The following NKTR variants were observed in gnomAD, a reference collection of about 807,000 sequenced individuals.
NKTR encodes natural killer cell triggering receptor, also known as NK-tumor recognition protein.
A neutral mutation model predicts 156.3 loss-of-function variants in NKTR; 67 were observed. That is an observed-to-expected ratio of 0.43 (90% CI 0.35 to 0.53). The LOEUF (loss-of-function observed/expected upper bound fraction) is 0.53, where lower values mean the gene tolerates loss of function less well. NKTR is among the 20% of genes least tolerant of loss of function. The probability of loss-of-function intolerance (pLI) is 0.01; values close to 1 mark genes in which losing one functional copy is unlikely to be tolerated. For synonymous variants in NKTR, 640 were observed against 596.6 expected (o/e 1.07, Z -1.06); for missense variants, 1,604 against 1,730.9 (o/e 0.93, Z 1.30).
chr3:42,617,492 T>C, intron 2 of NKTR, 78 bp from the exon 3 acceptor site: 1 of 723,974 alleles, frequency 1.4e-6, no homozygotes, highest in Non-Finnish European at 2.4e-6. Context: ...TCTAATTTGT[T>C]AGCCCTGTTT....
At chr3:42,601,140 C>T (rs1380560226) in intron 2 of NKTR, 76 bp downstream of exon 2, 16 of 1,242,778 alleles carry the variant, frequency 1.3e-5, no homozygotes, top group Non-Finnish European at 1.7e-5. Context: ...CCTCAGCAAC[C>T]CTCCCCCGGC....
rs10712209 is a variant in NKTR at position 42,618,997 on chromosome 3, CTT to C, written c.134-6_134-5del. The C allele has an allele frequency of 0.07, 90,382 of 1,284,234 alleles. 139 individuals are homozygous for C. The highest frequency in any genetic ancestry group is 0.15 in the East Asian group (5,550 of 37,856). The allele number at this position is 1,284,234 out of a possible 1,614,324, so 79.6% of individuals were successfully genotyped here. On this transcript the variant is annotated intron_variant, in intron 3 of 16. Coordinates refer to ENST00000232978, the MANE Select transcript of NKTR (RefSeq NM_005385.4). ...ATGTATAAATAATTAAACTTCATTT[CTT>C]TTTTTTTTTTTTTTTTCCAGGAGAG...
chr3:42,628,626 A>T, intron 6 of NKTR: 2 of 985,280 alleles, frequency 2.0e-6, no homozygotes. Flanking sequence ...GAAGGAATGT[A>T]TCTAATCAGG....
Position 42,643,929 on chromosome 3 carries a change from C to T in NKTR, c.4227C>T (p.Ser1409=), listed in dbSNP as rs1399986595. 6 of 1,613,718 alleles carry T rather than the reference C, an allele frequency of 3.7e-6. No homozygotes were observed. Among genetic ancestry groups the T allele is most frequent in the Non-Finnish European group, 5.1e-6 (6 of 1,179,826 alleles). Residue 1409 remains serine, a synonymous_variant, in exon 16 of 17, where the codon AGC becomes AGT. Transcript: ENST00000232978. ...SRSYTYDSYY[S]RSRSRSRSQR... The stretch of plus-strand genomic sequence containing the variant: ...CCTACACCTACGATAGCTACTATAG[C>T]AGGAGTCGGAGTCGAAGTAGAAGCC...
At chr3:42,630,150 G>T (rs1469305327) in intron 6 of NKTR, 1 of 1,006,434 alleles carries the variant, frequency 9.9e-7, no homozygotes, top group Non-Finnish European at 1.2e-6. Flanking sequence ...CAAATAGGAG[G>T]TGCTTTTCTT....
At position 42,640,510 on chromosome 3, in the gene NKTR, AT is replaced by A. The variant is rs527681717; in HGVS notation, c.4046+762del. On this transcript the variant is annotated intron_variant, in intron 13 of 16. Coordinates refer to ENST00000232978, the MANE Select transcript of NKTR (RefSeq NM_005385.4). ...TATCCCTTATTTTATTGTGCTTGAT[AT>A]TCATCATTTGAACTGAAAATACCAT... Among the ~76,000 whole-genome samples, 305 of 152,264 alleles carry A rather than the reference AT, an allele frequency of 2.0e-3. 1 individual carries two copies. The highest frequency in any genetic ancestry group is 7.0e-3 in the African/African-American group (290 of 41,554).
chr3:42,635,376 TTGAGTATAAGCACA>T lies in NKTR; in HGVS notation c.1163+11_1163+24del, dbSNP rs1421260897. ...GGAGTAAAGGAGATAAGTAAGAACT[TTGAGTATAAGCACA>T]ATCCTGTGTCTGTTATATTTTAAAT... On this transcript the variant is annotated intron_variant, in intron 12 of 16. Transcript: ENST00000232978. The T allele has an allele frequency of 6.2e-7, 1 of 1,600,392 alleles. No individual in the cohort carries two copies. Among genetic ancestry groups the T allele is most frequent in the Non-Finnish European group, 8.5e-7 (1 of 1,172,412 alleles).
chr3:42,614,586 A>G (rs1358812136), intron 2 of NKTR, among the ~76,000 whole-genome samples: 1 of 152,196 alleles, frequency 6.6e-6, no homozygotes, highest in African/African-American at 2.4e-5. Context: ...AATGAGCTTC[A>G]GTTCAAGTTA....
In NKTR at chr3:42,630,789, C is replaced by G. The variant is rs1708824534; in HGVS notation, c.404+214C>G. The stretch of plus-strand genomic sequence containing the variant: ...TCAATCTGTGCTCATGGATGGGCTT[C>G]TCAGCAATATAATTCTTTTTATTTT... On this transcript the variant is annotated intron_variant, in intron 7 of 16. Transcript: ENST00000232978. 1.2e-5 allele frequency: 16 copies of G among 1,367,412 alleles called. No individual in the cohort carries two copies. The South Asian group carries it at 3.4e-4, about 29-fold the overall frequency. 84.7% of individuals were successfully genotyped at this position (1,367,412 alleles called of 1,614,324 possible).
chr3:42,633,290 C>G, intron 9 of NKTR: 1 of 955,158 alleles, frequency 1.0e-6, no homozygotes, highest in Non-Finnish European at 1.3e-6. Flanking sequence ...AATCCTCCCA[C>G]CTAAGACCCC....
At position 42,646,095 on chromosome 3, in the gene NKTR, CTTAA is replaced by C. The variant is rs376299235; in HGVS notation, c.*123_*126del. 168 of 632,232 alleles carry C rather than the reference CTTAA, an allele frequency of 2.7e-4. No individual in the cohort carries two copies. The East Asian group carries it at 4.6e-3, about 17-fold the overall frequency. The allele number at this position is 632,232 out of a possible 1,614,324, so 39.2% of individuals were successfully genotyped here. A position where few individuals can be genotyped will look rare whatever the true frequency, so the allele number is the denominator to read the frequency against. On this transcript the variant is annotated 3_prime_UTR_variant, in exon 17 of 17. Coordinates refer to ENST00000232978, the MANE Select transcript of NKTR (RefSeq NM_005385.4). The stretch of plus-strand genomic sequence containing the variant: ...AGGTGAATTTCAAAAATAGACACTT[CTTAA>C]TTGTTACTGGTTCATTTACATGTGG...
chr3:42,632,998 T>G, intron 9 of NKTR, 175 bp downstream of exon 9: 1 of 1,290,652 alleles, frequency 7.7e-7, no homozygotes, highest in Non-Finnish European at 9.8e-7. Flanking sequence ...GCATTTCATT[T>G]CAAAGATTTG....
Position 42,638,450 on chromosome 3 carries a change from T to A in NKTR, c.2746T>A (p.Ser916Thr). ...SSDKEEGEAT[S>T]DSESEVSEIH... Reference sequence around the variant, plus strand: ...TGACAAGGAAGAAGGTGAGGCCACATCCGATTCTGAATCAGAGGTTAGTGA... The same window carrying A: ...TGACAAGGAAGAAGGTGAGGCCACAACCGATTCTGAATCAGAGGTTAGTGA... Residue 916 changes from serine (S) to threonine (T), a missense_variant, in exon 13 of 17, where the codon TCC becomes ACC. Coordinates refer to ENST00000232978, the MANE Select transcript of NKTR (RefSeq NM_005385.4). 1 of 1,612,300 alleles carries A rather than the reference T, an allele frequency of 6.2e-7. No homozygotes were observed. The highest frequency in any genetic ancestry group is 8.5e-7 in the Non-Finnish European group (1 of 1,179,506).
chr3:42,628,458 C>G, intron 6 of NKTR: 1 of 985,346 alleles, frequency 1.0e-6, no homozygotes. Flanking sequence ...TTTATTCCAC[C>G]ATTTTCTCCA....
intron 6 of NKTR, chr3:42,630,188 G>GTT (rs935384623): frequency 2.9e-5 from 24 of 823,434 alleles, no homozygotes; most frequent in East Asian, 8.0e-5. Context: ...AATTTTGAGG[G>GTT]TTTTTTTTTT....
At chr3:42,613,822 C>T (rs966920895) in intron 2 of NKTR, among the ~76,000 whole-genome samples, 6 of 152,110 alleles carry the variant, frequency 3.9e-5, no homozygotes, top group Admixed American at 6.5e-5. Flanking sequence ...TAAGGATCTG[C>T]ATGTTGGTAT....
chr3:42,635,167 G>A (rs1371461368), intron 11 of NKTR, 54 bp from the exon 12 acceptor site: 34 of 1,455,926 alleles, frequency 2.3e-5, no homozygotes, highest in Non-Finnish European at 3.1e-5. Context: ...CTGTCACATA[G>A]CAGACTGTCG....
chr3:42,621,943 T>C (rs1219990337), intron 6 of NKTR, among the ~76,000 whole-genome samples: 2 of 152,032 alleles, frequency 1.3e-5, no homozygotes, highest in Non-Finnish European at 1.5e-5. Context: ...GGTTGTTTTT[T>C]CCTCTTACTG....
At chr3:42,623,127 G>T (rs1708062562) in intron 6 of NKTR, among the ~76,000 whole-genome samples, 2 of 151,380 alleles carry the variant, frequency 1.3e-5, no homozygotes, top group Admixed American at 1.3e-4. Context: ...TTTAGTACTT[G>T]CTTCAGTGTT....
Sources: allele counts gnomAD v4.1 joint callset (sites outside exome capture counted in the v4.1 genomes callset), GRCh38; gene constraint gnomAD v4.1.1; transcripts MANE v1.5; gene names NCBI Gene and HGNC (gene_info 2026-07-23, HGNC 2026-07-21).